MECOM: variants seen among roughly 807,000 people sequenced by gnomAD.
MECOM encodes the protein histone-lysine N-methyltransferase MECOM.
Under a neutral mutation model 116.3 loss-of-function variants are expected in MECOM, and 13 were observed. The observed-to-expected ratio is 0.11, with a 90% CI of 0.07 to 0.18. MECOM has a LOEUF of 0.18. Ranked by LOEUF, MECOM falls within the 10% of genes least tolerant of loss-of-function variation. The probability of loss-of-function intolerance (pLI) is 1.00; values close to 1 mark genes in which losing one functional copy is unlikely to be tolerated. For missense variants in MECOM, 1,299 were observed against 1,509.0 expected, an observed-to-expected ratio of 0.86 and a Z score of 2.31; for synonymous variants, 528 against 535.2, an observed-to-expected ratio of 0.99 and a Z score of 0.19.
chr3:169,099,793 C>T (rs1722925051), intron 12 of MECOM, among the ~76,000 whole-genome samples: 2 of 152,082 alleles, frequency 1.3e-5, no homozygotes, highest in Middle Eastern at 3.4e-3. Flanking sequence ...GTAACTAATA[C>T]TGTGTGCAAG....
At chr3:169,189,327 C>G (rs1747207139) in intron 2 of MECOM, among the ~76,000 whole-genome samples, 1 of 151,886 alleles carries the variant, frequency 6.6e-6, no homozygotes, top group Non-Finnish European at 1.5e-5. Flanking sequence ...TGAACGCTTT[C>G]CCTACAGCAG....
intron 1 of MECOM, among the ~76,000 whole-genome samples, chr3:169,488,391 A>G (rs1367863912): frequency 6.7e-6 from 1 of 148,610 alleles, no homozygotes; most frequent in Admixed American, 6.7e-5. Context: ...AAAAAAAAAA[A>G]AAAAATTAGC....
chr3:169,202,186 A>G (rs1749248187), intron 2 of MECOM, among the ~76,000 whole-genome samples: 1 of 152,176 alleles, frequency 6.6e-6, no homozygotes, highest in African/African-American at 2.4e-5. Flanking sequence ...TCAAAAAACA[A>G]AAAGTGAAGA....
intron 2 of MECOM, among the ~76,000 whole-genome samples, chr3:169,247,556 G>A (rs895587761): frequency 6.6e-6 from 1 of 152,116 alleles, no homozygotes; most frequent in Non-Finnish European, 1.5e-5. Flanking sequence ...TACCCGCCTC[G>A]GCCTCCCAAA....
chr3:169,227,949 T>C (rs1424604584), intron 2 of MECOM, among the ~76,000 whole-genome samples: 3 of 152,102 alleles, frequency 2.0e-5, no homozygotes, highest in African/African-American at 7.2e-5. Context: ...CATCCGAAAG[T>C]CTTTCTCCCA....
chr3:169,146,411 C>T, intron 2 of MECOM: 1 of 1,393,974 alleles, frequency 7.2e-7, no homozygotes, highest in Non-Finnish European at 9.6e-7. Context: ...CAGAGACACA[C>T]GGAGGGAGGG....
chr3:169,328,762 C>T (rs898852823), intron 2 of MECOM, among the ~76,000 whole-genome samples: 1 of 152,154 alleles, frequency 6.6e-6, no homozygotes, highest in Admixed American at 6.5e-5. Flanking sequence ...TCGCTCCCAA[C>T]TTCAGTTGTA....
At chr3:169,619,962 A>G (rs906493024) in intron 1 of MECOM, among the ~76,000 whole-genome samples, 2 of 152,202 alleles carry the variant, frequency 1.3e-5, no homozygotes, top group African/African-American at 4.8e-5. Context: ...AGTCATCAAC[A>G]TGATTCCTGA....
intron 1 of MECOM, among the ~76,000 whole-genome samples, chr3:169,518,913 C>T (rs528315498): frequency 3.8e-4 from 58 of 152,302 alleles, no homozygotes; most frequent in Admixed American, 6.5e-4. Flanking sequence ...CTTGCTCCTC[C>T]TTGCCTTCTG....
intron 1 of MECOM, among the ~76,000 whole-genome samples, chr3:169,562,139 C>CAAAA (rs10714325): frequency 6.3e-3 from 158 of 25,256 alleles, no homozygotes; most frequent in African/African-American, 9.9e-3. Flanking sequence ...GAGCAATACT[C>CAAAA]AAAAAAAAAA....
intron 2 of MECOM, among the ~76,000 whole-genome samples, chr3:169,343,944 G>T (rs939906240): frequency 2.0e-5 from 3 of 152,048 alleles, no homozygotes; most frequent in African/African-American, 7.2e-5. Flanking sequence ...GAGACTCAAA[G>T]TATTGCTTTT....
At position 169,102,111 on chromosome 3, in the gene MECOM, T is replaced by C. The variant is rs754948581; in HGVS notation, c.2720A>G (p.Asn907Ser). ...PSMFNFRAPP[N>S]ALPENLLRKG... The stretch of plus-strand genomic sequence containing the variant: ...CCGCAGAAGGTTCTCTGGCAGGGCA[T>C]TGGGAGGCGCCCTGAAGTTGAACAT... The change falls in exon 11 of 17, where the codon AAT (asparagine) becomes AGT (serine). Residue 907 changes from asparagine (N) to serine (S), a missense_variant. Around this residue, in one of 6 missense-constraint regions of MECOM, gnomAD observed 340 missense variants for 312.6 expected, o/e 1.09. Transcript: ENST00000651503. 3.7e-5 allele frequency: 60 copies of C among 1,613,784 alleles called. No individual in the cohort carries two copies. Among genetic ancestry groups the C allele is most frequent in the Non-Finnish European group, 4.6e-5 (54 of 1,179,850 alleles).
intron 1 of MECOM, among the ~76,000 whole-genome samples, chr3:169,651,777 A>G (rs1453561664): frequency 6.6e-6 from 1 of 152,156 alleles, no homozygotes; most frequent in Non-Finnish European, 1.5e-5. Flanking sequence ...CCAGTAACCT[A>G]CGAAGAAGAA....
At chr3:169,644,393 A>AT (rs781019269) in intron 1 of MECOM, among the ~76,000 whole-genome samples, 11 of 152,086 alleles carry the variant, frequency 7.2e-5, no homozygotes, top group Non-Finnish European at 8.8e-5. Context: ...AGTAGCTGGA[A>AT]TTACAGGCAC....
intron 1 of MECOM, among the ~76,000 whole-genome samples, chr3:169,582,563 A>T (rs1194623213): frequency 6.6e-6 from 1 of 152,188 alleles, no homozygotes; most frequent in Non-Finnish European, 1.5e-5. Flanking sequence ...TTATCCTCAC[A>T]CAGGTTAAGT....
intron 16 of MECOM, among the ~76,000 whole-genome samples, chr3:169,086,009 A>C (rs1358378760): frequency 6.6e-6 from 1 of 152,228 alleles, no homozygotes. Context: ...AAACAAAGAC[A>C]AAATGCCTCT....
At chr3:169,260,258 A>T (rs1757382399) in intron 2 of MECOM, among the ~76,000 whole-genome samples, 2 of 152,170 alleles carry the variant, frequency 1.3e-5, no homozygotes, top group Admixed American at 6.5e-5. Context: ...TTACCTTTTT[A>T]AAAAAATATA....
At chr3:169,210,809 G>C (rs971038873) in intron 2 of MECOM, among the ~76,000 whole-genome samples, 7 of 151,980 alleles carry the variant, frequency 4.6e-5, no homozygotes, top group African/African-American at 1.7e-4. Flanking sequence ...GATTATTATA[G>C]ATTAATTTTC....
intron 7 of MECOM, among the ~76,000 whole-genome samples, chr3:169,119,817 G>C (rs868717861): frequency 2.0e-5 from 3 of 152,108 alleles, no homozygotes; most frequent in Non-Finnish European, 4.4e-5. Flanking sequence ...ACCTTCAATA[G>C]AGCTTCCCCA....
Sources: gnomAD v4.1 joint callset for allele counts (sites outside exome capture counted in the v4.1 genomes callset) on GRCh38, gnomAD v4.1.1 for gene constraint, gnomAD v4.1.1 regional missense constraint, MANE v1.5 for transcripts, NCBI Gene and HGNC (gene_info 2026-07-23, HGNC 2026-07-21) for gene names.